Variants in PTK2 observed in about 807,000 individuals in gnomAD.
PTK2 encodes the protein focal adhesion kinase 1.
In PTK2, 45 loss-of-function variants were observed where a neutral mutation model predicts 150.1. The ratio of observed to expected loss-of-function variants is 0.30; its 90% confidence interval spans 0.24 to 0.38. PTK2 has a LOEUF of 0.38. Ranked by LOEUF, PTK2 falls within the 10% of genes least tolerant of loss-of-function variation. The pLI is 1.00. For synonymous variants in PTK2, 432 were observed against 449.2 expected (o/e 0.96, Z 0.48); for missense variants, 919 against 1,307.3 (o/e 0.70, Z 4.58).
At chr8:140,975,769 G>C (rs1169531896) in intron 1 of PTK2, among the ~76,000 whole-genome samples, 2 of 152,162 alleles carry the variant, frequency 1.3e-5, no homozygotes, top group Non-Finnish European at 2.9e-5. Flanking sequence ...CAGATTGCCT[G>C]AGCACGCTAA....
intron 14 of PTK2, among the ~76,000 whole-genome samples, chr8:140,780,902 T>C (rs1395432359): frequency 6.6e-6 from 1 of 152,240 alleles, no homozygotes; most frequent in Non-Finnish European, 1.5e-5. Context: ...TGGGTGATGA[T>C]GATACGAAAA....
At chr8:140,748,837 A>T (rs147757350) in intron 17 of PTK2, among the ~76,000 whole-genome samples, 1 of 152,368 alleles carries the variant, frequency 6.6e-6, no homozygotes. Flanking sequence ...GAACTATAGG[A>T]TCTCAAAACT....
chr8:140,835,891 G>A (rs998098500), intron 7 of PTK2, among the ~76,000 whole-genome samples: 19 of 152,110 alleles, frequency 1.2e-4, no homozygotes, highest in African/African-American at 4.1e-4. Context: ...AGATGTGCAT[G>A]TTAGGGGAAC....
intron 21 of PTK2, among the ~76,000 whole-genome samples, chr8:140,738,174 AAGAG>A (rs1295018300): frequency 6.6e-6 from 1 of 152,194 alleles, no homozygotes; most frequent in Non-Finnish European, 1.5e-5. Flanking sequence ...TGGTATGACA[AAGAG>A]AGAAAGTGTA....
chr8:140,686,386 C>A (rs2100019851), intron 27 of PTK2, among the ~76,000 whole-genome samples: 1 of 145,968 alleles, frequency 6.9e-6, no homozygotes, highest in African/African-American at 2.5e-5. Flanking sequence ...TGTACATGTA[C>A]CCCTGAAACT....
intron 12 of PTK2, among the ~76,000 whole-genome samples, chr8:140,798,567 C>T (rs2100093042): frequency 6.6e-6 from 1 of 152,050 alleles, no homozygotes; most frequent in South Asian, 2.1e-4. Flanking sequence ...GAGCAAAAAA[C>T]GCTAGCTAAT....
intron 22 of PTK2, among the ~76,000 whole-genome samples, chr8:140,720,016 C>A (rs766402702): frequency 6.6e-6 from 1 of 151,994 alleles, no homozygotes. Flanking sequence ...TACGTTCTAG[C>A]TGCAGAACTA....
At chr8:140,909,759 A>G (rs957277977) in intron 2 of PTK2, 1 of 152,236 alleles carries the variant, frequency 6.6e-6, no homozygotes, top group African/African-American at 2.4e-5. Context: ...GGGAGTTCAA[A>G]GTAGGAATAT....
intron 1 of PTK2, among the ~76,000 whole-genome samples, chr8:140,972,969 C>T (rs1236816384): frequency 2.0e-5 from 3 of 152,146 alleles, no homozygotes; most frequent in African/African-American, 7.2e-5. Flanking sequence ...TATTCAAATC[C>T]CTGATAGAAA....
At chr8:140,667,285 T>C (rs951894954) in intron 30 of PTK2, among the ~76,000 whole-genome samples, 3 of 152,004 alleles carry the variant, frequency 2.0e-5, no homozygotes, top group Non-Finnish European at 2.9e-5. Flanking sequence ...TATTTTACTA[T>C]AGTGAAAAAA....
At chr8:140,743,431 TA>T (rs1235622279) in intron 19 of PTK2, 101 bp from the exon 23 acceptor site, 1 of 748,490 alleles carries the variant, frequency 1.3e-6, no homozygotes, top group Admixed American at 2.4e-5. Flanking sequence ...AAAGACAGCT[TA>T]TATACAATGC....
intron 26 of PTK2, among the ~76,000 whole-genome samples, chr8:140,696,379 G>A (rs1016800321): frequency 2.0e-5 from 3 of 152,184 alleles, no homozygotes; most frequent in Non-Finnish European, 4.4e-5. Context: ...AGTGCAGGGG[G>A]TTGGGGGAGA....
At chr8:140,900,236 A>G (rs998290662) in intron 2 of PTK2, among the ~76,000 whole-genome samples, 21 of 152,272 alleles carry the variant, frequency 1.4e-4, no homozygotes, top group African/African-American at 4.6e-4. Context: ...AATTCAGTAA[A>G]GTAGCAGGAT....
intron 22 of PTK2, among the ~76,000 whole-genome samples, chr8:140,724,201 T>C (rs948338362): frequency 1.3e-5 from 2 of 152,210 alleles, no homozygotes; most frequent in African/African-American, 4.8e-5. Context: ...TGAACCTGTT[T>C]TGTCATTTAC....
intron 16 of PTK2, among the ~76,000 whole-genome samples, chr8:140,760,750 C>T (rs887807859): frequency 6.6e-6 from 1 of 152,164 alleles, no homozygotes; most frequent in African/African-American, 2.4e-5. Flanking sequence ...CTTCATTAAG[C>T]TATTATTAAA....
chr8:140,849,474 T>G (rs918649524), intron 5 of PTK2, among the ~76,000 whole-genome samples: 1 of 152,244 alleles, frequency 6.6e-6, no homozygotes, highest in African/African-American at 2.4e-5. Flanking sequence ...CCAGCAGAAT[T>G]GCTATCATTT....
At chr8:140,859,152 C>A (rs902755556) in intron 5 of PTK2, among the ~76,000 whole-genome samples, 1 of 152,120 alleles carries the variant, frequency 6.6e-6, no homozygotes, top group East Asian at 1.9e-4. Context: ...AACTTAAGGT[C>A]AGCTTTTACC....
chr8:140,660,731 C>T (rs2078489277), intron 31 of PTK2: 4 of 413,560 alleles, frequency 9.7e-6, no homozygotes, highest in South Asian at 5.4e-5. Flanking sequence ...TATGTACGCC[C>T]CTCCCCCCGC....
intron 12 of PTK2, among the ~76,000 whole-genome samples, chr8:140,796,567 A>G (rs1300072702): frequency 3.9e-5 from 6 of 152,188 alleles, no homozygotes; most frequent in Non-Finnish European, 8.8e-5. Context: ...GCCTAACAGG[A>G]GACTTTCTAA....
Sources: allele counts gnomAD v4.1 joint callset (sites outside exome capture counted in the v4.1 genomes callset), GRCh38; gene constraint gnomAD v4.1.1; transcripts MANE v1.5; gene names NCBI Gene and HGNC (gene_info 2026-07-23, HGNC 2026-07-21).